Variants in ARHGEF18 observed in about 807,000 individuals in gnomAD.
ARHGEF18 encodes Rho/Rac guanine nucleotide exchange factor 18.
Under a neutral mutation model 155.7 loss-of-function variants are expected in ARHGEF18, and 93 were observed. The ratio of observed to expected loss-of-function variants is 0.60; its 90% CI spans 0.50 to 0.71. The LOEUF is 0.71. Among genes scored for constraint, ARHGEF18 ranks in the 30% least tolerant of loss-of-function variants. ARHGEF18 has a pLI of 0.00. For missense variants in ARHGEF18, 1,593 were observed against 1,816.1 expected (o/e 0.88, Z 2.23); for synonymous variants, 742 against 753.1 (o/e 0.99, Z 0.24).
intron 16 of ARHGEF18, among the ~76,000 whole-genome samples, chr19:7,453,092 G>A (rs1198169935): frequency 2.0e-5 from 3 of 151,966 alleles, no homozygotes; most frequent in Admixed American, 6.6e-5. Flanking sequence ...CCAGCTACTT[G>A]GGAGACTGAG....
rs1253313854 is a variant in ARHGEF18, at chr19:7,440,518, G to A, written c.1106+36G>A. ...GTCCCCTCTGTGCCCTCGGGTGGGT[G>A]GTGGCATTCCCCGGGGAGCTGTTGA... On this transcript the variant is annotated intron_variant, in intron 11 of 28. Transcript: ENST00000668164. The surrounding 1 kb of genome is among the most constrained non-coding windows in gnomAD (Gnocchi z 5.4). 1 of 1,566,210 alleles carries A rather than the reference G, an allele frequency of 6.4e-7. No individual in the cohort carries two copies. The highest frequency in any genetic ancestry group is 1.1e-5 in the South Asian group (1 of 86,996).
chr19:7,394,587 C>A (rs1971575970), intron 10 of ARHGEF18, among the ~76,000 whole-genome samples: 1 of 151,608 alleles, frequency 6.6e-6, no homozygotes, highest in South Asian at 2.1e-4. Flanking sequence ...GGTCCCCCAA[C>A]TCCGCTGTCC....
chr19:7,478,348 G>A, the ARHGEF18 span: 1 of 1,611,352 alleles, frequency 6.2e-7, no homozygotes. Flanking sequence ...CGCAGCCTCT[G>A]TCTCAGTTTC....
At chr19:7,396,525 G>A (rs995820108) in intron 10 of ARHGEF18, among the ~76,000 whole-genome samples, 13 of 152,076 alleles carry the variant, frequency 8.5e-5, no homozygotes, top group African/African-American at 2.7e-4. Context: ...AGACCATCCT[G>A]GCCAACATGG....
At position 7,469,332 on chromosome 19, in the gene ARHGEF18, C is replaced by T. The variant is rs114524395; in HGVS notation, c.3787+201C>T. On this transcript the variant is annotated intron_variant, in intron 27 of 28. Transcript: ENST00000668164. ...AGGCCCAAAACTGAGATGATCCACC[C>T]TGCATCTTCTCCACCTCAACCCTCA... Among the ~76,000 whole-genome samples, 1,464 of 152,354 alleles carry T rather than the reference C, an allele frequency of 9.6e-3. 19 individuals carry two copies. Among genetic ancestry groups the T allele is most frequent in the Middle Eastern group, 0.031 (9 of 294 alleles).
chr19:7,420,380 G>A (rs1438049391), intron 10 of ARHGEF18, among the ~76,000 whole-genome samples: 1 of 152,172 alleles, frequency 6.6e-6, no homozygotes, highest in Non-Finnish European at 1.5e-5. Flanking sequence ...AGCCTCCTGA[G>A]TAGCTGGGAC....
At chr19:7,412,388 G>A (rs1466627682) in intron 10 of ARHGEF18, among the ~76,000 whole-genome samples, 1 of 151,880 alleles carries the variant, frequency 6.6e-6, no homozygotes, top group Non-Finnish European at 1.5e-5. Context: ...TACCAGCAGT[G>A]TATGAGGGTC....
In ARHGEF18 at chr19:7,382,835, A is replaced by G. The variant is rs936716229; in HGVS notation, c.766A>G (p.Thr256Ala). Reference sequence around the variant, plus strand: ...CAAGAACGAGAAGAGTGACAAGAGTACCAGTGTGAAGCGCAGGCTGAGCTG... The same window carrying G: ...CAAGAACGAGAAGAGTGACAAGAGTGCCAGTGTGAAGCGCAGGCTGAGCTG... ...AGKNEKSDKS[T>A]SVKRRLSCLR... is the part of the protein sequence containing the mutation. Residue 256 changes from threonine (T) to alanine (A), a missense_variant, in exon 9 of 29, where the codon ACC becomes GCC. Physicochemically the swap from Thr to Ala is moderately conservative, Grantham distance 58. Coordinates refer to ENST00000668164, the MANE Select transcript of ARHGEF18 (RefSeq NM_001367823.1). 6 of 1,232,474 alleles carry G rather than the reference A, an allele frequency of 4.9e-6. No individual in the cohort carries two copies. In the African/African-American group the frequency reaches 9.3e-5, roughly 19 times the overall value. The allele number at this position is 1,232,474 out of a possible 1,614,324, so 76.3% of individuals were successfully genotyped here. A position where few individuals can be genotyped will look rare whatever the true frequency, so the allele number is the denominator to read the frequency against.
chr19:7,367,655 A>G (rs1969945071), intron 2 of ARHGEF18, among the ~76,000 whole-genome samples: 1 of 149,814 alleles, frequency 6.7e-6, no homozygotes, highest in Admixed American at 6.8e-5. Flanking sequence ...CTGAGGCAGG[A>G]GACTCACTTG....
intron 3 of ARHGEF18, among the ~76,000 whole-genome samples, 199 bp from the exon 4 acceptor site, chr19:7,375,521 G>A (rs1056207289): frequency 6.6e-6 from 1 of 152,162 alleles, no homozygotes; most frequent in African/African-American, 2.4e-5. Flanking sequence ...ATCTAACCAG[G>A]CTGGCTTTCT....
At chr19:7,446,895 C>CT (rs1975028624) in intron 14 of ARHGEF18, 148 bp from the exon 15 acceptor site, 1 of 618,222 alleles carries the variant, frequency 1.6e-6, no homozygotes, top group Non-Finnish European at 2.2e-6. Flanking sequence ...GATGCTGTCT[C>CT]AAAAAAAAAA....
At chr19:7,410,797 G>T in intron 10 of ARHGEF18, among the ~76,000 whole-genome samples, 1 of 105,734 alleles carries the variant, frequency 9.5e-6, no homozygotes, top group East Asian at 3.6e-4. Flanking sequence ...GCAGCAGCGT[G>T]AGACTCCATC....
chr19:7,351,507 T>G (rs1254174065), intron 1 of ARHGEF18, among the ~76,000 whole-genome samples: 1 of 151,604 alleles, frequency 6.6e-6, no homozygotes, highest in African/African-American at 2.4e-5. Flanking sequence ...GTATTTTTAA[T>G]AGAGACGGGG....
rs1568264307 is a variant in ARHGEF18, at chr19:7,362,011, A to AGGAAGAAGAAGAAGAAGG, written c.-110-770_-110-769insGGAAGAAGAAGAAGAAGG. On this transcript the variant is annotated intron_variant, in intron 1 of 28. Coordinates refer to ENST00000668164, the MANE Select transcript of ARHGEF18 (RefSeq NM_001367823.1). ...TCTGTGGAAGAAGAAGAAGAAGAAG[A>AGGAAGAAGAAGAAGAAGG]AGAAGGAGAAGGAGAAGGAGAAGGA... Among the ~76,000 whole-genome samples, 32 of 85,392 alleles carry AGGAAGAAGAAGAAGAAGG rather than the reference A, an allele frequency of 3.7e-4. 1 individual carries two copies. The highest frequency in any genetic ancestry group is 4.7e-4 in the Non-Finnish European group (21 of 44,616). 56.0% of individuals were successfully genotyped at this position (85,392 alleles called of 152,430 possible).
chr19:7,455,009 A>T (rs141794067), intron 17 of ARHGEF18, among the ~76,000 whole-genome samples: 3 of 152,296 alleles, frequency 2.0e-5, no homozygotes, highest in African/African-American at 7.2e-5. Context: ...CAGACCAGAG[A>T]GTGCTCAGGA....
chr19:7,408,389 C>T (rs867358063), intron 10 of ARHGEF18, among the ~76,000 whole-genome samples: 6 of 152,214 alleles, frequency 3.9e-5, no homozygotes, highest in East Asian at 1.9e-4. Flanking sequence ...AACAAGTGGG[C>T]GTGGCCGTGT....
rs144848805 is a variant in ARHGEF18 at position 7,351,950 on chromosome 19, C to T, written c.-111+2709C>T. Among the ~76,000 whole-genome samples, 869 of 152,256 alleles carry T rather than the reference C, an allele frequency of 5.7e-3. 5 individuals carry two copies. Among genetic ancestry groups the T allele is most frequent in the African/African-American group, 0.02 (824 of 41,544 alleles). On this transcript the variant is annotated intron_variant, in intron 1 of 28. Transcript: ENST00000668164. ...CCTCAGGTGATCCACCTGCCTTGGC[C>T]TCCCAAAGTGCTGGGATTACAGATG...
At chr19:7,351,701 TCTC>T (rs1164036968) in intron 1 of ARHGEF18, among the ~76,000 whole-genome samples, 84,602 of 118,468 alleles carry the variant, frequency 0.71, 28,953 homozygotes, top group Middle Eastern at 0.77. Flanking sequence ...TCTCTCTCTC[TCTC>T]TTTTTTTTTT....
rs145146601 is a variant in ARHGEF18 at position 7,361,206 on chromosome 19, C to T, written c.-110-1575C>T. Among the ~76,000 whole-genome samples the T allele has an allele frequency of 1.4e-4, 21 of 152,250 alleles. No individual in the cohort carries two copies. The South Asian group carries it at 2.1e-3, about 15-fold the overall frequency. On this transcript the variant is annotated intron_variant, in intron 1 of 28. Coordinates refer to ENST00000668164, the MANE Select transcript of ARHGEF18 (RefSeq NM_001367823.1). The stretch of plus-strand genomic sequence containing the variant: ...ATCCCAGCACTTTGGGAGGCCAAGG[C>T]GGGGGGATTGCCTGAGCTCAGGAGT...
Sources: allele counts gnomAD v4.1 joint callset (sites outside exome capture counted in the v4.1 genomes callset), GRCh38; gene constraint gnomAD v4.1.1; non-coding constraint Gnocchi (gnomAD v3.1); transcripts MANE v1.5; gene names NCBI Gene and HGNC (gene_info 2026-07-23, HGNC 2026-07-21).